PTPRG: variants seen among roughly 807,000 people sequenced by gnomAD.
PTPRG encodes the protein protein tyrosine phosphatase receptor type G.
In PTPRG, 102 loss-of-function variants were observed where a neutral mutation model predicts 165.3. That is an observed-to-expected ratio of 0.62 (90% confidence interval 0.53 to 0.73). The LOEUF (loss-of-function observed/expected upper bound fraction) is 0.73. Ranked by LOEUF, PTPRG falls within the 30% of genes least tolerant of loss-of-function variation. The pLI, the probability that PTPRG is intolerant of heterozygous loss-of-function variation, is 0.00. For missense variants in PTPRG, 1,866 were observed against 1,861.4 expected (o/e 1.00, Z -0.05); for synonymous variants, 675 against 669.5 (o/e 1.01, Z -0.13).
chr3:62,068,230 C>T (rs1248427987), intron 4 of PTPRG, among the ~76,000 whole-genome samples: 1 of 152,064 alleles, frequency 6.6e-6, no homozygotes, highest in Non-Finnish European at 1.5e-5. Flanking sequence ...ATTTAAACAA[C>T]CCTCCTGAGT....
chr3:61,614,854 C>A (rs9837256), intron 1 of PTPRG, among the ~76,000 whole-genome samples: 18,112 of 152,144 alleles, frequency 0.12, 1,867 homozygotes, highest in African/African-American at 0.28. Flanking sequence ...AATTAGCATC[C>A]TCATTATTAT....
chr3:62,199,479 G>T (rs540148661), intron 10 of PTPRG, among the ~76,000 whole-genome samples: 1 of 152,190 alleles, frequency 6.6e-6, no homozygotes, highest in Non-Finnish European at 1.5e-5. Flanking sequence ...CTGCTGGAAG[G>T]TGAGCCTAGT....
intron 26 of PTPRG, among the ~76,000 whole-genome samples, chr3:62,278,100 A>G (rs778635528): frequency 1.4e-4 from 22 of 152,140 alleles, no homozygotes; most frequent in Non-Finnish European, 3.2e-4. Flanking sequence ...TAAGACATAC[A>G]TACTATTATT....
At chr3:62,225,620 A>G (rs531766819) in intron 13 of PTPRG, among the ~76,000 whole-genome samples, 190 of 151,996 alleles carry the variant, frequency 1.3e-3, no homozygotes, top group South Asian at 3.1e-3. Context: ...TATATCTGAA[A>G]AGGCTTTGTA....
chr3:61,665,622 T>TA (rs11429732), intron 1 of PTPRG, among the ~76,000 whole-genome samples: 147,929 of 152,004 alleles, frequency 0.97, 72,063 homozygotes, highest in Non-Finnish European at 1. Flanking sequence ...TGCTGGAGTT[T>TA]AGGCCAGGCT....
chr3:61,728,234 G>A (rs1037389564), intron 1 of PTPRG, among the ~76,000 whole-genome samples: 2 of 152,200 alleles, frequency 1.3e-5, no homozygotes, highest in Admixed American at 1.3e-4. Flanking sequence ...GTGCGACCTT[G>A]AGCAAGTCTG....
intron 4 of PTPRG, among the ~76,000 whole-genome samples, chr3:62,045,665 AAC>A (rs77695442): frequency 0.12 from 18,174 of 152,234 alleles, 1,162 homozygotes; most frequent in South Asian, 0.21. Context: ...ATAGAATGGT[AAC>A]AGTCACCAGT....
chr3:61,599,893 C>T (rs540282303), intron 1 of PTPRG, among the ~76,000 whole-genome samples: 1 of 152,044 alleles, frequency 6.6e-6, no homozygotes, highest in East Asian at 1.9e-4. Flanking sequence ...GCAGGGTGGC[C>T]CACGCCTGTA....
chr3:62,058,349 T>A (rs1427786027), intron 4 of PTPRG, among the ~76,000 whole-genome samples: 1 of 152,166 alleles, frequency 6.6e-6, no homozygotes, highest in African/African-American at 2.4e-5. Flanking sequence ...ATTATTATTT[T>A]TTTTAGAGAC....
At chr3:61,894,430 G>A (rs1471671485) in intron 2 of PTPRG, among the ~76,000 whole-genome samples, 1 of 151,420 alleles carries the variant, frequency 6.6e-6, no homozygotes, top group Non-Finnish European at 1.5e-5. Context: ...TCTGTTGGCA[G>A]CTGAGAAATA....
intron 6 of PTPRG, among the ~76,000 whole-genome samples, chr3:62,149,228 A>G (rs942260612): frequency 6.6e-6 from 1 of 151,404 alleles, no homozygotes; most frequent in Non-Finnish European, 1.5e-5. Flanking sequence ...TTGTATTTGG[A>G]TCATAAAATT....
At chr3:61,648,982 A>G (rs1421833851) in intron 1 of PTPRG, among the ~76,000 whole-genome samples, 2 of 152,238 alleles carry the variant, frequency 1.3e-5, no homozygotes, top group Non-Finnish European at 2.9e-5. Context: ...TTCATATAGT[A>G]TAGCAGTGTC....
intron 6 of PTPRG, among the ~76,000 whole-genome samples, chr3:62,149,054 G>A (rs957512494): frequency 6.6e-6 from 1 of 152,144 alleles, no homozygotes; most frequent in East Asian, 1.9e-4. Context: ...TCTTGTGCCT[G>A]TTCCTTAAAA....
chr3:61,720,888 T>C (rs2032017285), intron 1 of PTPRG, among the ~76,000 whole-genome samples: 1 of 152,200 alleles, frequency 6.6e-6, no homozygotes, highest in African/African-American at 2.4e-5. Context: ...GACGATTAGA[T>C]TTGTCACTTG....
In PTPRG at chr3:62,219,005, G is replaced by T. The variant is rs1322062415; in HGVS notation, c.2288+22G>T. On this transcript the variant is annotated intron_variant, in intron 13 of 29. Transcript: ENST00000474889. The surrounding 1 kb of genome is among the most constrained non-coding windows in gnomAD (Gnocchi z 4.5). ...GGAGGTAAGCCAGGCAGCACCTACA[G>T]CGTAGATTTGGGGGCCAGATGCTGG... The T allele has an allele frequency of 6.2e-7, 1 of 1,611,898 alleles. No individual in the cohort carries two copies.
At chr3:61,777,936 C>A (rs552652386) in intron 2 of PTPRG, among the ~76,000 whole-genome samples, 1 of 152,192 alleles carries the variant, frequency 6.6e-6, no homozygotes, top group Non-Finnish European at 1.5e-5. Flanking sequence ...TCCAGAGTTT[C>A]AGATACCAAG....
At chr3:61,592,042 C>T (rs905315811) in intron 1 of PTPRG, among the ~76,000 whole-genome samples, 6 of 151,652 alleles carry the variant, frequency 4.0e-5, no homozygotes, top group East Asian at 1.9e-4. Flanking sequence ...GCATGATCTC[C>T]GTATCACCGC....
chr3:61,816,945 T>C (rs1240983167), intron 2 of PTPRG, among the ~76,000 whole-genome samples: 2 of 144,244 alleles, frequency 1.4e-5, no homozygotes, highest in Non-Finnish European at 3.0e-5. Context: ...TGAAGCTTTT[T>C]GGTAGTACCT....
rs11369396 is a variant in PTPRG, at chr3:61,992,249, A to ATT, written c.370+2455_370+2456dup. Among the ~76,000 whole-genome samples, 1,113 of 150,258 alleles carry ATT rather than the reference A, an allele frequency of 7.4e-3. 17 individuals carry two copies. Among genetic ancestry groups the ATT allele is most frequent in the African/African-American group, 0.025 (1,014 of 41,158 alleles). ...TGAAACAAAGAACATGCATTTTTGC[A>ATT]TTTTTTTTTTTAATCTCTTGAAAGA... On this transcript the variant is annotated intron_variant, in intron 3 of 29. Transcript: ENST00000474889.
Sources: gnomAD v4.1 joint callset for allele counts (sites outside exome capture counted in the v4.1 genomes callset) on GRCh38, gnomAD v4.1.1 for gene constraint, Gnocchi (gnomAD v3.1) non-coding constraint, MANE v1.5 for transcripts, NCBI Gene and HGNC (gene_info 2026-07-23, HGNC 2026-07-21) for gene names.